HS2ST1: variants seen among roughly 807,000 people sequenced by gnomAD.
HS2ST1 encodes 2-O-sulfotransferase.
A neutral mutation model predicts 42.9 loss-of-function variants in HS2ST1; 18 were observed. That is an observed-to-expected ratio of 0.42 (90% confidence interval 0.29 to 0.62). The LOEUF is 0.62. Among genes scored for constraint, HS2ST1 ranks in the 20% least tolerant of loss-of-function variants. The pLI, the probability that HS2ST1 is intolerant of heterozygous loss-of-function variation, is 0.21. For synonymous variants in HS2ST1, 146 were observed against 152.9 expected, an observed-to-expected ratio of 0.95 and a Z score of 0.33; for missense variants, 334 against 433.8, an observed-to-expected ratio of 0.77 and a Z score of 2.04.
At position 86,990,556 on chromosome 1, in the gene HS2ST1, A is replaced by G. The variant is rs536288116; in HGVS notation, c.124+75396A>G. On this transcript the variant is annotated intron_variant, in intron 1 of 6. Transcript: ENST00000370550. ...AGCTAGAGTTTGTAACCCCTGTAGT[A>G]TTGCCATTTATCGCCAGTTTTTGTT... 5.3e-5 allele frequency among the ~76,000 whole-genome samples: 8 copies of G among 151,976 alleles called. No individual in the cohort carries two copies. The South Asian group carries it at 1.5e-3, about 28-fold the overall frequency.
At chr1:87,023,325 AAAAG>A (rs1201939804) in intron 1 of HS2ST1, among the ~76,000 whole-genome samples, 2 of 152,176 alleles carry the variant, frequency 1.3e-5, no homozygotes, top group Non-Finnish European at 2.9e-5. Flanking sequence ...TTGTCATAAA[AAAAG>A]ATCATAAGCA....
Position 87,101,147 on chromosome 1 carries a change from G to GTTT in HS2ST1, c.687-2284_687-2283insTTT, listed in dbSNP as rs1557546414. ...AGTCATCACTTTTGTGTGTGTGTGT[G>GTTT]TGTTTTTTGTTTTTTTTTTTTTTTT... On this transcript the variant is annotated intron_variant, in intron 5 of 6. Coordinates refer to ENST00000370550, the MANE Select transcript of HS2ST1 (RefSeq NM_012262.4). Among the ~76,000 whole-genome samples, 70 of 75,908 alleles carry GTTT rather than the reference G, an allele frequency of 9.2e-4. 3 individuals carry two copies. The highest frequency in any genetic ancestry group is 1.2e-3 in the Non-Finnish European group (48 of 39,730). 49.8% of individuals were successfully genotyped at this position (75,908 alleles called of 152,430 possible). A position where few individuals can be genotyped will look rare whatever the true frequency, so the allele number is the denominator to read the frequency against.
rs148296995 is a variant in HS2ST1 at position 87,043,029 on chromosome 1, C to T, written c.125-29905C>T. The stretch of plus-strand genomic sequence containing the variant: ...GCTATTATTCTTCCTTTCCCCCAGC[C>T]GTTTCAAGATTAGATTTTGCCAGAG... On this transcript the variant is annotated intron_variant, in intron 1 of 6. Transcript: ENST00000370550. 3.7e-3 allele frequency among the ~76,000 whole-genome samples: 566 copies of T among 152,144 alleles called. 6 individuals carry two copies. Among genetic ancestry groups the T allele is most frequent in the African/African-American group, 0.013 (531 of 41,556 alleles).
At chr1:87,014,678 TAA>T (rs1649698252) in intron 1 of HS2ST1, among the ~76,000 whole-genome samples, 1 of 152,150 alleles carries the variant, frequency 6.6e-6, no homozygotes. Context: ...AAAACTATCA[TAA>T]AAGACTCCAC....
intron 1 of HS2ST1, among the ~76,000 whole-genome samples, chr1:86,992,183 C>G (rs866022671): frequency 3.7e-5 from 5 of 135,034 alleles, no homozygotes; most frequent in Middle Eastern, 7.1e-3. Context: ...TCCACCACTA[C>G]CCCCACCCCC....
At chr1:86,924,988 G>A (rs865963038) in intron 1 of HS2ST1, among the ~76,000 whole-genome samples, 2 of 152,118 alleles carry the variant, frequency 1.3e-5, no homozygotes, top group Non-Finnish European at 2.9e-5. Flanking sequence ...TTGATGCTCT[G>A]TTTCCCTTTT....
At chr1:87,073,218 C>T (rs1478732053) in intron 2 of HS2ST1, 46 bp downstream of exon 2, 1 of 1,316,168 alleles carries the variant, frequency 7.6e-7, no homozygotes, top group African/African-American at 1.4e-5. Context: ...AATACTTCCT[C>T]ACTCAAATTT....
At position 87,092,893 on chromosome 1, in the gene HS2ST1, G is replaced by A. The variant is rs187604100; in HGVS notation, c.588+224G>A. On this transcript the variant is annotated intron_variant, in intron 4 of 6. Transcript: ENST00000370550. ...TTTAAAAATATTTCTTTTCCAGGGC[G>A]GAATCGTGTTTTCTTTATGGTTCTA... 2.5e-3 allele frequency among the ~76,000 whole-genome samples: 378 copies of A among 151,870 alleles called. 2 individuals carry two copies. The highest frequency in any genetic ancestry group is 0.025 in the South Asian group (118 of 4,816).
At chr1:86,916,085 GA>G (rs1570418075) in intron 1 of HS2ST1, among the ~76,000 whole-genome samples, 1 of 152,126 alleles carries the variant, frequency 6.6e-6, no homozygotes, top group Non-Finnish European at 1.5e-5. Flanking sequence ...AGACAGGCCA[GA>G]AAAAAGCACA....
chr1:86,976,293 G>T (rs1442235028), intron 1 of HS2ST1, among the ~76,000 whole-genome samples: 1 of 152,094 alleles, frequency 6.6e-6, no homozygotes, highest in African/African-American at 2.4e-5. Context: ...TTTTAAAGTT[G>T]TTGCCATGGC....
At chr1:86,982,132 T>C (rs1019046910) in intron 1 of HS2ST1, among the ~76,000 whole-genome samples, 31 of 152,210 alleles carry the variant, frequency 2.0e-4, no homozygotes, top group African/African-American at 7.0e-4. Flanking sequence ...TTGGCCCCTT[T>C]TAGCCACAGC....
chr1:87,076,658 G>C (rs1351033597), intron 2 of HS2ST1, among the ~76,000 whole-genome samples: 1 of 152,182 alleles, frequency 6.6e-6, no homozygotes, highest in Non-Finnish European at 1.5e-5. Context: ...TTAGTTAATA[G>C]AGAGGAATTG....
At chr1:87,023,934 T>C (rs1052325514) in intron 1 of HS2ST1, among the ~76,000 whole-genome samples, 4 of 152,104 alleles carry the variant, frequency 2.6e-5, no homozygotes, top group Non-Finnish European at 4.4e-5. Flanking sequence ...TGAAGAGCCA[T>C]TGGAGAAAGG....
intron 1 of HS2ST1, among the ~76,000 whole-genome samples, chr1:86,999,545 A>G (rs1649216439): frequency 6.6e-6 from 1 of 152,146 alleles, no homozygotes; most frequent in South Asian, 2.1e-4. Flanking sequence ...TTATCTATTA[A>G]TAATCTAGGT....
chr1:87,035,764 A>G (rs1650357493), intron 1 of HS2ST1, among the ~76,000 whole-genome samples: 1 of 151,940 alleles, frequency 6.6e-6, no homozygotes, highest in South Asian at 2.1e-4. Context: ...TTTACCTCCC[A>G]GTATTGTTGT....
At chr1:87,000,709 A>G (rs1357732770) in intron 1 of HS2ST1, among the ~76,000 whole-genome samples, 1 of 152,116 alleles carries the variant, frequency 6.6e-6, no homozygotes, top group African/African-American at 2.4e-5. Flanking sequence ...GTTTTCTACT[A>G]TTGTTTTCTT....
chr1:87,030,456 C>T (rs1309671796), intron 1 of HS2ST1, among the ~76,000 whole-genome samples: 1 of 152,014 alleles, frequency 6.6e-6, no homozygotes, highest in African/African-American at 2.4e-5. Flanking sequence ...TATGATCATG[C>T]CTCTGCACTC....
At chr1:87,073,884 GATA>G (rs1309090378) in intron 2 of HS2ST1, among the ~76,000 whole-genome samples, 5 of 152,184 alleles carry the variant, frequency 3.3e-5, no homozygotes, top group African/African-American at 1.2e-4. Flanking sequence ...GAGAAGGAAA[GATA>G]ATGTTTGCAA....
chr1:87,075,244 A>G lies in HS2ST1; in HGVS notation c.363+2072A>G, dbSNP rs1027260113. The stretch of plus-strand genomic sequence containing the variant: ...GAGTGCAATGGTGCGATCTCGGCTC[A>G]TTGCAACCTCTGCCTCCCACGTTCA... On this transcript the variant is annotated intron_variant, in intron 2 of 6. Transcript: ENST00000370550. Among the ~76,000 whole-genome samples, 5 of 126,096 alleles carry G rather than the reference A, an allele frequency of 4.0e-5. 1 individual carries two copies. The East Asian group carries it at 7.0e-4, about 18-fold the overall frequency. 82.7% of individuals were successfully genotyped at this position (126,096 alleles called of 152,430 possible). A position where few individuals can be genotyped will look rare whatever the true frequency, so the allele number is the denominator to read the frequency against.
Sources: gnomAD v4.1 joint callset for allele counts (sites outside exome capture counted in the v4.1 genomes callset) on GRCh38, gnomAD v4.1.1 for gene constraint, MANE v1.5 for transcripts, NCBI Gene and HGNC (gene_info 2026-07-23, HGNC 2026-07-21) for gene names.